The following STAG1 variants were observed in gnomAD, a reference collection of about 807,000 sequenced individuals.
The protein encoded by STAG1 is cohesin subunit SA-1.
A neutral mutation model predicts 170.9 loss-of-function variants in STAG1; 26 were observed. The observed-to-expected ratio is 0.15, with a 90% CI of 0.11 to 0.21. The LOEUF is 0.21. STAG1 is among the 10% of genes least tolerant of loss of function. The probability of loss-of-function intolerance (pLI) is 1.00; values close to 1 mark genes in which losing one functional copy is unlikely to be tolerated. For synonymous variants in STAG1, 514 were observed against 497.7 expected (o/e 1.03, Z -0.44); for missense variants, 964 against 1,509.5 (o/e 0.64, Z 5.99).
chr3:136,463,980 A>C (rs2089369406), intron 13 of STAG1, among the ~76,000 whole-genome samples: 1 of 150,476 alleles, frequency 6.6e-6, no homozygotes, highest in African/African-American at 2.4e-5. Flanking sequence ...ATATACAGTA[A>C]ATCACGCTAA....
intron 22 of STAG1, among the ~76,000 whole-genome samples, chr3:136,383,954 C>CAA (rs71304276): frequency 2.7e-3 from 158 of 58,852 alleles, no homozygotes; most frequent in East Asian, 0.017. Flanking sequence ...GACTCCGTCT[C>CAA]AAAAAAAAAA....
intron 6 of STAG1, among the ~76,000 whole-genome samples, chr3:136,525,678 T>C (rs1312247260): frequency 1.3e-5 from 2 of 152,246 alleles, no homozygotes; most frequent in Admixed American, 6.5e-5. Context: ...GTTCTTTCAA[T>C]TGTGATGTTA....
chr3:136,631,845 G>C (rs1267997090), intron 1 of STAG1, among the ~76,000 whole-genome samples: 1 of 152,088 alleles, frequency 6.6e-6, no homozygotes, highest in Non-Finnish European at 1.5e-5. Context: ...GAAAGACAAA[G>C]TACAAGGCAG....
rs980924803 is a variant in STAG1, at chr3:136,455,849, G to A, written c.1314-3702C>T. Among the ~76,000 whole-genome samples the A allele has an allele frequency of 9.2e-5, 14 of 152,338 alleles. No individual in the cohort carries two copies. In the South Asian group the frequency reaches 2.7e-3, roughly 29 times the overall value. On this transcript the variant is annotated intron_variant, in intron 13 of 33. Coordinates refer to ENST00000383202, the MANE Select transcript of STAG1 (RefSeq NM_005862.3). ...AGGATTTCCCAGGTTGGGAAATAAT[G>A]TAAGGCCAGCAATATAGTTCCAGGG...
intron 20 of STAG1, among the ~76,000 whole-genome samples, chr3:136,420,009 A>G (rs2107725954): frequency 6.6e-6 from 1 of 152,100 alleles, no homozygotes; most frequent in East Asian, 1.9e-4. Flanking sequence ...GCACTTTGGG[A>G]GGCCGAGTGC....
Position 136,604,449 on chromosome 3 carries a change from A to G in STAG1, c.157T>C (p.Ser53Pro). ...PPSTNKKPRK[S>P]PGEKSRIEAG... ...TCAATTCTGCTCTTCTCACCTGGAG[A>G]TTTTCGAGGTTTCTTATTTGTAGAC... The change falls in exon 4 of 34, where the codon TCT becomes CCT. Residue 53 changes from serine (S) to proline (P), a missense_variant. By Grantham distance (74) the Ser-to-Pro change is moderately conservative. Transcript: ENST00000383202. 6.2e-7 allele frequency: 1 copy of G among 1,601,110 alleles called. No homozygotes were observed. Among genetic ancestry groups the G allele is most frequent in the Non-Finnish European group, 8.5e-7 (1 of 1,176,628 alleles).
intron 4 of STAG1, among the ~76,000 whole-genome samples, chr3:136,582,607 T>C (rs1937613842): frequency 6.6e-6 from 1 of 152,190 alleles, no homozygotes; most frequent in African/African-American, 2.4e-5. Flanking sequence ...GAGACCAGCC[T>C]GGCCAATGTG....
At position 136,379,326 on chromosome 3, in the gene STAG1, C is replaced by T. The variant is rs572009375; in HGVS notation, c.2278-1574G>A. Among the ~76,000 whole-genome samples the T allele has an allele frequency of 2.0e-5, 3 of 152,112 alleles. No homozygotes were observed. The South Asian group carries it at 6.2e-4, about 32-fold the overall frequency. On this transcript the variant is annotated intron_variant, in intron 22 of 33. Transcript: ENST00000383202. ...TCAAAAGTAGTCATGGAAGAGTTCC[C>T]AAAGAAGATAACATGTAAGCTGAGT...
chr3:136,476,574 C>T (rs1483336744), intron 10 of STAG1, among the ~76,000 whole-genome samples: 1 of 152,110 alleles, frequency 6.6e-6, no homozygotes, highest in Non-Finnish European at 1.5e-5. Context: ...TGTAAAGTCA[C>T]CACAGGAACT....
intron 7 of STAG1, among the ~76,000 whole-genome samples, chr3:136,516,837 T>C (rs150563533): frequency 4.9e-4 from 75 of 152,322 alleles, no homozygotes; most frequent in Non-Finnish European, 3.2e-4. Flanking sequence ...ACCAGTTATG[T>C]TAAGGACTTG....
At chr3:136,732,626 T>C (rs1052590508) in intron 1 of STAG1, among the ~76,000 whole-genome samples, 10 of 152,208 alleles carry the variant, frequency 6.6e-5, no homozygotes, top group African/African-American at 2.4e-4. Flanking sequence ...TTTTTTGTTT[T>C]TGAGACAGAG....
At chr3:136,590,986 G>GTT (rs1165145026) in intron 4 of STAG1, among the ~76,000 whole-genome samples, 170 of 150,872 alleles carry the variant, frequency 1.1e-3, no homozygotes, top group African/African-American at 2.5e-3. Context: ...TTGGTTGGGT[G>GTT]TTGTTTTGTT....
chr3:136,496,679 C>A (rs1028979776), intron 9 of STAG1, among the ~76,000 whole-genome samples: 1 of 151,760 alleles, frequency 6.6e-6, no homozygotes, highest in Non-Finnish European at 1.5e-5. Context: ...GAGTAAATTC[C>A]CTTATTAGAA....
At position 136,540,594 on chromosome 3, in the gene STAG1, G is replaced by A. The variant is rs1466822314; in HGVS notation, c.471+1525C>T. Among the ~76,000 whole-genome samples, 166 of 151,904 alleles carry A rather than the reference G, an allele frequency of 1.1e-3. 1 individual carries two copies. The highest frequency in any genetic ancestry group is 2.5e-4 in the Non-Finnish European group (17 of 67,928). On this transcript the variant is annotated intron_variant, in intron 6 of 33. Transcript: ENST00000383202. ...TCGAGCACTTTGGGAGGCTGAGGTG[G>A]TTGGATCACCTGAGGTCAGGAGTTC... is the stretch of plus-strand genomic sequence containing the variant.
intron 1 of STAG1, among the ~76,000 whole-genome samples, chr3:136,744,957 T>C (rs1370066409): frequency 3.3e-5 from 5 of 152,168 alleles, no homozygotes; most frequent in African/African-American, 1.2e-4. Flanking sequence ...ATTATAGGTG[T>C]GGGCCACTGT....
intron 4 of STAG1, among the ~76,000 whole-genome samples, chr3:136,580,679 G>GC (rs1195483242): frequency 6.7e-6 from 1 of 150,224 alleles, no homozygotes; most frequent in Non-Finnish European, 1.5e-5. Context: ...GACTACAGGC[G>GC]CCCGCCACCG....
intron 15 of STAG1, among the ~76,000 whole-genome samples, chr3:136,436,363 C>A (rs2107751276): frequency 6.6e-6 from 1 of 152,242 alleles, no homozygotes; most frequent in Non-Finnish European, 1.5e-5. Context: ...CTCACTGCAA[C>A]CTCTGCCTCC....
At chr3:136,576,234 A>G (rs996034846) in intron 4 of STAG1, among the ~76,000 whole-genome samples, 2 of 152,220 alleles carry the variant, frequency 1.3e-5, no homozygotes. Flanking sequence ...TCAAATGCAC[A>G]AAGAAATGAG....
chr3:136,618,327 T>C (rs1939689031), intron 3 of STAG1, among the ~76,000 whole-genome samples: 1 of 152,226 alleles, frequency 6.6e-6, no homozygotes, highest in Non-Finnish European at 1.5e-5. Flanking sequence ...AGGCGCCACA[T>C]GCGTCAGGGA....
Sources: allele counts gnomAD v4.1 joint callset (sites outside exome capture counted in the v4.1 genomes callset), GRCh38; gene constraint gnomAD v4.1.1; transcripts MANE v1.5; gene names NCBI Gene and HGNC (gene_info 2026-07-23, HGNC 2026-07-21).